FLT1: variants seen among roughly 807,000 people sequenced by gnomAD.
FLT1 encodes fms related receptor tyrosine kinase 1, also known as vascular endothelial growth factor receptor 1.
Under a neutral mutation model 156.3 loss-of-function variants are expected in FLT1, and 49 were observed. That is an observed-to-expected ratio of 0.31 (90% CI 0.25 to 0.40). FLT1 has a LOEUF of 0.40. FLT1 is among the 10% of genes least tolerant of loss of function. The pLI is 1.00. For synonymous variants in FLT1, 594 were observed against 583.8 expected (o/e 1.02, Z -0.25); for missense variants, 1,322 against 1,637.2 (o/e 0.81, Z 3.32).
chr13:28,412,838 A>G (rs1006009997), intron 10 of FLT1, among the ~76,000 whole-genome samples: 1 of 149,182 alleles, frequency 6.7e-6, no homozygotes, highest in East Asian at 2.0e-4. Context: ...CCAGGATTAC[A>G]GGCCAGAGCC....
intron 10 of FLT1, among the ~76,000 whole-genome samples, chr13:28,410,639 A>G (rs1310840641): frequency 6.6e-6 from 1 of 152,214 alleles, no homozygotes; most frequent in Non-Finnish European, 1.5e-5. Flanking sequence ...TGTTGTGCCA[A>G]TATCTGATTC....
chr13:28,412,385 T>TTTCTTTTCTTTCC (rs1876328039), intron 10 of FLT1, among the ~76,000 whole-genome samples: 1 of 84,940 alleles, frequency 1.2e-5, no homozygotes, highest in Non-Finnish European at 2.6e-5. Context: ...TCTTTCTTTC[T>TTTCTTTTCTTTCC]TTCTTTCTTT....
At chr13:28,384,609 T>A (rs1874243917) in intron 14 of FLT1, among the ~76,000 whole-genome samples, 1 of 152,214 alleles carries the variant, frequency 6.6e-6, no homozygotes, top group Admixed American at 6.5e-5. Flanking sequence ...ATTTTCTACA[T>A]GGCTCTTCTC....
At chr13:28,304,864 T>C (rs1261373604) in intron 29 of FLT1, among the ~76,000 whole-genome samples, 3 of 152,256 alleles carry the variant, frequency 2.0e-5, no homozygotes, top group Non-Finnish European at 2.9e-5. Flanking sequence ...CATGCATGCA[T>C]ACTTCACACT....
chr13:28,357,677 A>G lies in FLT1; in HGVS notation c.2125T>C (p.Leu709=). 1 of 1,613,666 alleles carries G rather than the reference A, an allele frequency of 6.2e-7. No homozygotes were observed. Residue 709 remains leucine (L), a synonymous_variant, in exon 15 of 30, where the codon TTA becomes CTA. Transcript: ENST00000282397. The part of the protein sequence containing the change: ...HKIQQEPGII[L]GPGSSTLFIE... ...AACAGCGTGCTGCTTCCTGGTCCTAAAATAATTCCTGAGGGGTGAGAGATG... is the reference window on the plus strand; with the variant it reads ...AACAGCGTGCTGCTTCCTGGTCCTAGAATAATTCCTGAGGGGTGAGAGATG...
chr13:28,389,883 G>A lies in FLT1; in HGVS notation c.1882C>T (p.Leu628=), dbSNP rs763409170. The A allele has an allele frequency of 1.7e-5, 27 of 1,614,030 alleles. No homozygotes were observed. Among genetic ancestry groups the A allele is most frequent in the Non-Finnish European group, 2.0e-5 (24 of 1,180,022 alleles). ...TLNLTIMNVS[L]QDSGTYACRA... ...CAGGCATAGGTGCCTGAATCTTGCA[G>A]GGAAACATTCATGATGGTAAGATTA... Residue 628 remains leucine, a synonymous_variant, in exon 13 of 30, where the codon CTG becomes TTG. Transcript: ENST00000282397.
chr13:28,394,857 G>T (rs751263228), intron 12 of FLT1, among the ~76,000 whole-genome samples: 1 of 152,114 alleles, frequency 6.6e-6, no homozygotes, highest in Non-Finnish European at 1.5e-5. Context: ...TTCTAGGTTG[G>T]CTCTTCCCTA....
rs570385148 is a variant in FLT1, at chr13:28,452,486, G to A, written c.389-14141C>T. Among the ~76,000 whole-genome samples the A allele has an allele frequency of 3.3e-5, 5 of 152,252 alleles. No homozygotes were observed. The East Asian group carries it at 9.7e-4, about 29-fold the overall frequency. On this transcript the variant is annotated intron_variant, in intron 3 of 29. Transcript: ENST00000282397. ...AATCCCAGCAGAGGAAAGGTCCTGA[G>A]GCCTCATCTGATCTGGTCCCATCAA...
chr13:28,346,368 T>C (rs1872566226), intron 15 of FLT1: 1 of 152,208 alleles, frequency 6.6e-6, no homozygotes, highest in Non-Finnish European at 1.5e-5. Context: ...TATTGATTCT[T>C]GTGAGCAATT....
chr13:28,467,396 G>A, intron 2 of FLT1, 125 bp downstream of exon 2: 1 of 721,388 alleles, frequency 1.4e-6, no homozygotes, highest in Non-Finnish European at 2.4e-6. Flanking sequence ...GAAGCTGGAT[G>A]CCTATGGTTT....
intron 10 of FLT1, among the ~76,000 whole-genome samples, chr13:28,418,533 A>C (rs935948938): frequency 6.6e-6 from 1 of 152,128 alleles, no homozygotes; most frequent in Non-Finnish European, 1.5e-5. Flanking sequence ...ACACCAGGGA[A>C]AAATAACCTT....
intron 18 of FLT1, among the ~76,000 whole-genome samples, chr13:28,331,240 A>G (rs1871919126): frequency 6.6e-6 from 1 of 152,238 alleles, no homozygotes; most frequent in Non-Finnish European, 1.5e-5. Flanking sequence ...ATCATTTTTA[A>G]TAATAACTAG....
intron 25 of FLT1, among the ~76,000 whole-genome samples, chr13:28,313,888 TAAA>T (rs779467248): frequency 5.8e-4 from 41 of 70,604 alleles, no homozygotes; most frequent in Admixed American, 1.2e-3. Context: ...TACAGGGAGG[TAAA>T]AAAAAAAAAA....
chr13:28,483,580 G>C (rs1478713362), intron 1 of FLT1, among the ~76,000 whole-genome samples: 1 of 152,108 alleles, frequency 6.6e-6, no homozygotes, highest in South Asian at 2.1e-4. Flanking sequence ...GTCCTTCTCC[G>C]AGTAACAGGT....
chr13:28,338,747 G>A (rs1425444626), intron 17 of FLT1, among the ~76,000 whole-genome samples: 1 of 152,116 alleles, frequency 6.6e-6, no homozygotes. Flanking sequence ...CCTCAATTAT[G>A]TTCTGGATCA....
intron 1 of FLT1, among the ~76,000 whole-genome samples, chr13:28,476,544 C>A (rs147147601): frequency 1.3e-4 from 20 of 152,280 alleles, no homozygotes; most frequent in East Asian, 5.8e-4. Context: ...ATCCTAGGAA[C>A]CTGCTTTTTC....
chr13:28,494,926 C>T lies in FLT1; in HGVS notation c.-83G>A, dbSNP rs1881682850. 1 of 1,125,986 alleles carries T rather than the reference C, an allele frequency of 8.9e-7. No individual in the cohort carries two copies. Among genetic ancestry groups the T allele is most frequent in the Non-Finnish European group, 1.2e-6 (1 of 824,914 alleles). 69.7% of individuals were successfully genotyped at this position (1,125,986 alleles called of 1,614,324 possible). ...GGCCGCCAGAGTCCGTCCTCTCGTT[C>T]GCCGCCGCCGGCCCCGCGCCCTGAG... On this transcript the variant is annotated 5_prime_UTR_variant, in exon 1 of 30. Coordinates refer to ENST00000282397, the MANE Select transcript of FLT1 (RefSeq NM_002019.4).
At chr13:28,304,353 C>G (rs1340438048) in intron 29 of FLT1, among the ~76,000 whole-genome samples, 3 of 152,294 alleles carry the variant, frequency 2.0e-5, no homozygotes, top group East Asian at 3.9e-4. Flanking sequence ...GAAAAGGAAA[C>G]ACACACGCAG....
At chr13:28,412,373 TTTC>T (rs1198441107) in intron 10 of FLT1, among the ~76,000 whole-genome samples, 113 of 126,306 alleles carry the variant, frequency 8.9e-4, no homozygotes, top group Admixed American at 1.2e-3. Flanking sequence ...TCTTTCTTTC[TTTC>T]TTTCTTTCTT....
Sources: gnomAD v4.1 joint callset for allele counts (sites outside exome capture counted in the v4.1 genomes callset) on GRCh38, gnomAD v4.1.1 for gene constraint, MANE v1.5 for transcripts, NCBI Gene and HGNC (gene_info 2026-07-23, HGNC 2026-07-21) for gene names.